Variants in MAK observed in about 807,000 individuals in gnomAD.
The protein encoded by MAK is male germ cell associated kinase.
A neutral mutation model predicts 82.6 loss-of-function variants in MAK; 65 were observed. The ratio of observed to expected loss-of-function variants is 0.79; its 90% CI spans 0.64 to 0.97. The LOEUF (loss-of-function observed/expected upper bound fraction) is 0.97, where lower values mean the gene tolerates loss of function less well. Ranked by LOEUF, MAK falls within the 50% of genes least tolerant of loss-of-function variation. The pLI is 0.00. For missense variants in MAK, 703 were observed against 780.2 expected (o/e 0.90, Z 1.18); for synonymous variants, 250 against 274.2 (o/e 0.91, Z 0.87).
chr6:10,766,324 C>T (rs115989486), intron 14 of MAK, among the ~76,000 whole-genome samples: 1 of 152,336 alleles, frequency 6.6e-6, no homozygotes, highest in Non-Finnish European at 1.5e-5. Flanking sequence ...TGACAAGCTA[C>T]TAACTTCAGC....
chr6:10,813,010 C>A lies in MAK; in HGVS notation c.358+634G>T, dbSNP rs1045457838. 1.2e-4 allele frequency among the ~76,000 whole-genome samples: 16 copies of A among 138,858 alleles called. 1 individual carries two copies. The highest frequency in any genetic ancestry group is 2.1e-4 in the African/African-American group (8 of 37,444). The allele number at this position is 138,858 out of a possible 152,430, so 91.1% of individuals were successfully genotyped here. On this transcript the variant is annotated intron_variant, in intron 5 of 14. Transcript: ENST00000354489. Reference sequence around the variant, plus strand: ...GAACTCCTGACCTAAGGTGATCCCCCCCCCCGCCTCGGCCTCCCAAAGTGC... The same window carrying A: ...GAACTCCTGACCTAAGGTGATCCCCACCCCCGCCTCGGCCTCCCAAAGTGC...
At chr6:10,787,772 A>G (rs1425835874) in intron 10 of MAK, among the ~76,000 whole-genome samples, 2 of 151,602 alleles carry the variant, frequency 1.3e-5, no homozygotes, top group Non-Finnish European at 2.9e-5. Flanking sequence ...GAGGCAGGAG[A>G]ATGGCGTGAA....
chr6:10,781,927 G>A lies in MAK; in HGVS notation c.1465+2497C>T, dbSNP rs142170563. On this transcript the variant is annotated intron_variant, in intron 11 of 14. Transcript: ENST00000354489. ...CAACAACGACAAAAAATATTATAGG[G>A]CTGGGTGTTGTGGTTCACGCCTGTA... Among the ~76,000 whole-genome samples, 1,129 of 152,138 alleles carry A rather than the reference G, an allele frequency of 7.4e-3. 14 individuals carry two copies. The highest frequency in any genetic ancestry group is 0.012 in the Non-Finnish European group (847 of 68,006).
At chr6:10,807,261 C>A (rs1481552676) in intron 6 of MAK, among the ~76,000 whole-genome samples, 1 of 150,192 alleles carries the variant, frequency 6.7e-6, no homozygotes, top group African/African-American at 2.4e-5. Context: ...CTCCCCATCT[C>A]CCCCAACTCC....
intron 2 of MAK, among the ~76,000 whole-genome samples, chr6:10,820,069 G>A (rs914861501): frequency 6.6e-6 from 1 of 151,662 alleles, no homozygotes; most frequent in East Asian, 1.9e-4. Context: ...CCGAGATCGC[G>A]CCACTGCACT....
chr6:10,813,680 G>C lies in MAK; in HGVS notation c.322C>G (p.Gln108Glu). 6.2e-7 allele frequency: 1 copy of C among 1,605,942 alleles called. No homozygotes were observed. The highest frequency in any genetic ancestry group is 8.5e-7 in the Non-Finnish European group (1 of 1,172,806). The change falls in exon 5 of 15, where the codon CAA (glutamine) becomes GAA (glutamate). Residue 108 changes from glutamine (Q) to glutamate (E), a missense_variant. Physicochemically the swap from Gln to Glu is conservative, Grantham distance 29 (BLOSUM62 2). Coordinates refer to ENST00000354489, the MANE Select transcript of MAK (RefSeq NM_001242957.3). ...ATAAAAGCCAGCCCTTGCAATATTTGATACATAATATTTCTGATGACTGAT... is the reference window on the plus strand; with the variant it reads ...ATAAAAGCCAGCCCTTGCAATATTTCATACATAATATTTCTGATGACTGAT... Reference protein sequence around the residue: ...PESVIRNIMYQILQGLAFIHK... With the variant: ...PESVIRNIMYEILQGLAFIHK...
intron 2 of MAK, among the ~76,000 whole-genome samples, chr6:10,824,515 TC>T (rs974016349): frequency 6.6e-6 from 1 of 151,036 alleles, no homozygotes; most frequent in African/African-American, 2.4e-5. Flanking sequence ...GTTCTGAACA[TC>T]CCCTTCTCCC....
At chr6:10,797,846 G>C in intron 8 of MAK, 1 of 1,285,002 alleles carries the variant, frequency 7.8e-7, no homozygotes, top group Non-Finnish European at 1.0e-6. Flanking sequence ...CCCTAATTAG[G>C]TCTTTCCACT....
At chr6:10,791,170 T>A (rs568732695) in intron 10 of MAK, among the ~76,000 whole-genome samples, 23 of 152,304 alleles carry the variant, frequency 1.5e-4, no homozygotes, top group African/African-American at 5.1e-4. Flanking sequence ...CATCTGTTAA[T>A]ACTGAGAACT....
intron 11 of MAK, among the ~76,000 whole-genome samples, chr6:10,778,857 G>C (rs1488223925): frequency 6.6e-6 from 1 of 152,136 alleles, no homozygotes; most frequent in Non-Finnish European, 1.5e-5. Flanking sequence ...GCCAGGTGCG[G>C]TGGCTCATGC....
chr6:10,828,676 TC>T (rs1383312147), intron 2 of MAK, among the ~76,000 whole-genome samples: 1 of 151,938 alleles, frequency 6.6e-6, no homozygotes, highest in Admixed American at 6.6e-5. Flanking sequence ...ACGCCTACAG[TC>T]CCAACTACTC....
chr6:10,801,267 T>C (rs1368478950), intron 8 of MAK, among the ~76,000 whole-genome samples: 4 of 152,260 alleles, frequency 2.6e-5, no homozygotes, highest in Non-Finnish European at 5.9e-5. Context: ...ATGGAATTTA[T>C]ATTTAAATGA....
chr6:10,775,381 G>A lies in MAK; in HGVS notation c.1544C>T (p.Pro515Leu). The A allele has an allele frequency of 6.2e-7, 1 of 1,613,960 alleles. No homozygotes were observed. The highest frequency in any genetic ancestry group is 8.5e-7 in the Non-Finnish European group (1 of 1,179,884). The change falls in exon 12 of 15, where the codon CCC becomes CTC. Residue 515 changes from proline (P) to leucine (L), a missense_variant. By Grantham distance (98) the Pro-to-Leu change is moderately conservative. Coordinates refer to ENST00000354489, the MANE Select transcript of MAK (RefSeq NM_001242957.3). Reference sequence around the variant, plus strand: ...TGCCCCAACGGGTCCCAGTGACTTGGGGAATAACTGGTTGCTCCAAGTGTG... The same window carrying A: ...TGCCCCAACGGGTCCCAGTGACTTGAGGAATAACTGGTTGCTCCAAGTGTG... ...NPHTWSNQLF[P>L]KSLGPVGAEL...
intron 13 of MAK, among the ~76,000 whole-genome samples, chr6:10,770,741 A>C (rs997826858): frequency 1.3e-5 from 2 of 152,162 alleles, no homozygotes; most frequent in African/African-American, 4.8e-5. Context: ...AGCTAGCATA[A>C]TTGCCATCAT....
At chr6:10,772,613 G>A (rs1253094149) in intron 13 of MAK, among the ~76,000 whole-genome samples, 1 of 152,070 alleles carries the variant, frequency 6.6e-6, no homozygotes, top group Middle Eastern at 3.4e-3. Context: ...GAAGTGCTGG[G>A]ATTTCAGGTG....
intron 1 of MAK, among the ~76,000 whole-genome samples, chr6:10,836,700 T>C (rs1033207974): frequency 2.0e-5 from 3 of 152,218 alleles, no homozygotes; most frequent in African/African-American, 7.2e-5. Context: ...CACAGTTTCT[T>C]ATGTACATGA....
At chr6:10,784,655 G>GCACATCTCGCCCACCCTCTT in intron 10 of MAK, 83 bp from the exon 11 acceptor site, 1 of 1,229,042 alleles carries the variant, frequency 8.1e-7, no homozygotes, top group Admixed American at 1.7e-5. Context: ...CCCACCCTCT[G>GCACATCTCGCCCACCCTCTT]CACATCTTCC....
rs1772140948 is a variant in MAK, at chr6:10,763,672, G to C, written c.*780C>G. 6.6e-6 allele frequency: 1 copy of C among 151,866 alleles called. No individual in the cohort carries two copies. The highest frequency in any genetic ancestry group is 2.1e-4 in the South Asian group (1 of 4,814). The allele number at this position is 151,866 out of a possible 1,614,324, so 9.4% of individuals were successfully genotyped here. On this transcript the variant is annotated 3_prime_UTR_variant, in exon 15 of 15. Transcript: ENST00000354489. ...CCAGCCTGAGCCTGACCAACATGGTGAAACCCTGTCTCTACTAATACTACA... is the reference window on the plus strand; with the variant it reads ...CCAGCCTGAGCCTGACCAACATGGTCAAACCCTGTCTCTACTAATACTACA...
At chr6:10,775,261 ATATATT>A in intron 12 of MAK, 61 bp downstream of exon 12, 1 of 1,570,862 alleles carries the variant, frequency 6.4e-7, no homozygotes, top group Non-Finnish European at 8.7e-7. Flanking sequence ...GAGCACTGCA[ATATATT>A]TAAAAGTAGA....
Sources: allele counts gnomAD v4.1 joint callset (sites outside exome capture counted in the v4.1 genomes callset), GRCh38; gene constraint gnomAD v4.1.1; transcripts MANE v1.5; gene names NCBI Gene and HGNC (gene_info 2026-07-23, HGNC 2026-07-21).